Variants in CALN1 observed in about 807,000 individuals in gnomAD.
The protein encoded by CALN1 is calneuron 1, also known as calcium-binding protein 8.
Under a neutral mutation model 30.6 loss-of-function variants are expected in CALN1, and 17 were observed. The ratio of observed to expected loss-of-function variants is 0.56; its 90% CI spans 0.38 to 0.83. CALN1 has a LOEUF of 0.83. Ranked by LOEUF, CALN1 falls within the 40% of genes least tolerant of loss-of-function variation. CALN1 has a pLI of 0.00. For synonymous variants in CALN1, 156 were observed against 131.4 expected, an observed-to-expected ratio of 1.19 and a Z score of -1.28; for missense variants, 291 against 354.9, an observed-to-expected ratio of 0.82 and a Z score of 1.45.
intron 5 of CALN1, among the ~76,000 whole-genome samples, chr7:71,873,910 C>G (rs528038835): frequency 1.4e-4 from 22 of 152,342 alleles, no homozygotes; most frequent in Middle Eastern, 3.4e-3. Context: ...ATACATTCAA[C>G]TAACCTGACC....
intron 2 of CALN1, among the ~76,000 whole-genome samples, chr7:72,387,498 G>A (rs765811427): frequency 3.7e-4 from 56 of 152,038 alleles, no homozygotes; most frequent in East Asian, 5.8e-4. Flanking sequence ...CCTCCGCCCC[G>A]GGTGATCAAG....
intron 3 of CALN1, among the ~76,000 whole-genome samples, chr7:72,205,551 A>AAATATATACATT: frequency 1.2e-5 from 1 of 83,052 alleles, no homozygotes; most frequent in Non-Finnish European, 2.0e-5. Context: ...GCAAAAAAAA[A>AAATATATACATT]ATATATATAT....
chr7:72,330,340 C>G (rs1405464760), intron 2 of CALN1, among the ~76,000 whole-genome samples: 1 of 151,374 alleles, frequency 6.6e-6, no homozygotes, highest in African/African-American at 2.4e-5. Context: ...TGGTGGTGTA[C>G]GTCTGTAATC....
chr7:72,235,957 T>G (rs1407640603), intron 3 of CALN1, among the ~76,000 whole-genome samples: 2 of 151,720 alleles, frequency 1.3e-5, no homozygotes, highest in Non-Finnish European at 2.9e-5. Context: ...TGATTTCACA[T>G]TCTGGGCCAG....
chr7:72,193,961 G>A (rs1441963120), intron 3 of CALN1, among the ~76,000 whole-genome samples: 1 of 152,180 alleles, frequency 6.6e-6, no homozygotes, highest in Non-Finnish European at 1.5e-5. Context: ...TTGGGGGAAA[G>A]GGTGGGAGGG....
chr7:71,811,814 G>A (rs192260721), intron 5 of CALN1, among the ~76,000 whole-genome samples: 1 of 152,048 alleles, frequency 6.6e-6, no homozygotes, highest in African/African-American at 2.4e-5. Flanking sequence ...GAGTAGCTGG[G>A]ATTACAGGTG....
At chr7:71,978,695 A>G (rs1798233645) in intron 5 of CALN1, among the ~76,000 whole-genome samples, 1 of 152,198 alleles carries the variant, frequency 6.6e-6, no homozygotes, top group African/African-American at 2.4e-5. Flanking sequence ...CCCATTGTGC[A>G]TATAGAGAGA....
intron 2 of CALN1, among the ~76,000 whole-genome samples, chr7:72,368,210 T>C (rs1382980818): frequency 1.3e-5 from 2 of 151,184 alleles, no homozygotes; most frequent in Non-Finnish European, 2.9e-5. Flanking sequence ...TGTGTGTATA[T>C]ATATCTATGT....
At chr7:72,219,126 A>C (rs1793074012) in intron 3 of CALN1, among the ~76,000 whole-genome samples, 1 of 152,174 alleles carries the variant, frequency 6.6e-6, no homozygotes, top group Non-Finnish European at 1.5e-5. Context: ...TCTATTTCTC[A>C]ATTACCTCTA....
At chr7:72,042,760 C>T (rs1285718648) in intron 4 of CALN1, among the ~76,000 whole-genome samples, 1 of 151,954 alleles carries the variant, frequency 6.6e-6, no homozygotes, top group African/African-American at 2.4e-5. Flanking sequence ...ATAAGACTCC[C>T]AAAAGGAAAA....
At chr7:72,093,500 C>T (rs935221722) in intron 4 of CALN1, among the ~76,000 whole-genome samples, 1 of 152,090 alleles carries the variant, frequency 6.6e-6, no homozygotes, top group African/African-American at 2.4e-5. Context: ...ATACTAGTAT[C>T]TACTGCATGC....
intron 2 of CALN1, among the ~76,000 whole-genome samples, chr7:72,378,955 G>A (rs1356968978): frequency 2.6e-5 from 4 of 152,154 alleles, no homozygotes; most frequent in Non-Finnish European, 5.9e-5. Context: ...CTAACAAGAT[G>A]ATCATGTGGG....
intron 3 of CALN1, among the ~76,000 whole-genome samples, chr7:72,128,609 G>A (rs1808931594): frequency 6.6e-6 from 1 of 152,212 alleles, no homozygotes; most frequent in Admixed American, 6.5e-5. Context: ...AGTGGCTCAT[G>A]CCTGTAATCC....
In CALN1 at chr7:71,783,272, T is replaced by A. The variant is rs1792811866; in HGVS notation, c.*4503A>T. 1 of 152,132 alleles carries A rather than the reference T, an allele frequency of 6.6e-6. No homozygotes were observed. Among genetic ancestry groups the A allele is most frequent in the African/African-American group, 2.4e-5 (1 of 41,442 alleles). 9.4% of individuals were successfully genotyped at this position (152,132 alleles called of 1,614,324 possible). ...AGACCTCCTGGTTATACAACCAGGATGTGTGACGTGCTGAAGTCTAAAAGT... is the reference window on the plus strand; with the variant it reads ...AGACCTCCTGGTTATACAACCAGGAAGTGTGACGTGCTGAAGTCTAAAAGT... On this transcript the variant is annotated 3_prime_UTR_variant, in exon 7 of 7. Coordinates refer to ENST00000395275, the MANE Select transcript of CALN1 (RefSeq NM_031468.4).
intron 4 of CALN1, among the ~76,000 whole-genome samples, chr7:72,089,808 A>C (rs1320335726): frequency 6.6e-6 from 1 of 152,226 alleles, no homozygotes; most frequent in African/African-American, 2.4e-5. Context: ...GAAGTAACAT[A>C]ACATCAATAC....
At chr7:72,296,045 C>G (rs1270054207) in intron 2 of CALN1, among the ~76,000 whole-genome samples, 4 of 152,070 alleles carry the variant, frequency 2.6e-5, no homozygotes, top group African/African-American at 7.2e-5. Context: ...CCCATCAATA[C>G]CTAATTTACT....
intron 3 of CALN1, among the ~76,000 whole-genome samples, chr7:72,132,360 G>A (rs1809210491): frequency 6.6e-6 from 1 of 152,144 alleles, no homozygotes; most frequent in Non-Finnish European, 1.5e-5. Context: ...CGTACTGAAA[G>A]TGAAAAACAG....
At chr7:72,352,528 A>G (rs1490024760) in intron 2 of CALN1, among the ~76,000 whole-genome samples, 1 of 152,172 alleles carries the variant, frequency 6.6e-6, no homozygotes, top group Non-Finnish European at 1.5e-5. Flanking sequence ...TACAAGTAAA[A>G]AACAGTTTTG....
intron 3 of CALN1, among the ~76,000 whole-genome samples, chr7:72,163,658 A>G (rs1788303120): frequency 6.6e-6 from 1 of 152,176 alleles, no homozygotes. Flanking sequence ...AGTTCACTGG[A>G]TGGGCTTAAC....
Sources: allele counts gnomAD v4.1 joint callset (sites outside exome capture counted in the v4.1 genomes callset), GRCh38; gene constraint gnomAD v4.1.1; transcripts MANE v1.5; gene names NCBI Gene and HGNC (gene_info 2026-07-23, HGNC 2026-07-21).